FRMD6: variants seen among roughly 807,000 people sequenced by gnomAD.
FRMD6 encodes the protein FERM domain containing 6, also known as FERM domain-containing protein 6.
FRMD6 carries 37 observed loss-of-function variants against 73.2 expected under a neutral mutation model. The observed-to-expected ratio is 0.51, with a 90% CI of 0.39 to 0.66. The LOEUF is 0.66. FRMD6 is among the 30% of genes least tolerant of loss of function. FRMD6 has a pLI of 0.00. For missense variants in FRMD6, 714 were observed against 780.5 expected, an observed-to-expected ratio of 0.91 and a Z score of 1.02; for synonymous variants, 273 against 282.2, an observed-to-expected ratio of 0.97 and a Z score of 0.33.
At chr14:51,679,372 A>G (rs563216035) in intron 1 of FRMD6, among the ~76,000 whole-genome samples, 4 of 150,454 alleles carry the variant, frequency 2.7e-5, no homozygotes, top group Non-Finnish European at 5.9e-5. Flanking sequence ...TATAATATAT[A>G]TTATGCATAT....
At chr14:51,426,596 G>C in the FRMD6 span, among the ~76,000 whole-genome samples, 6 of 152,144 alleles carry the variant, frequency 3.9e-5, no homozygotes, top group Non-Finnish European at 1.5e-5. Flanking sequence ...AATATTTGCT[G>C]AATGAATACA....
intron 1 of FRMD6, among the ~76,000 whole-genome samples, chr14:51,658,984 A>G (rs1000976133): frequency 3.3e-5 from 5 of 152,212 alleles, no homozygotes; most frequent in African/African-American, 1.2e-4. Flanking sequence ...GTTAACAAGT[A>G]AAAAATATGC....
At chr14:51,669,080 C>T (rs1016926815) in intron 1 of FRMD6, among the ~76,000 whole-genome samples, 9 of 152,156 alleles carry the variant, frequency 5.9e-5, no homozygotes, top group Admixed American at 3.9e-4. Context: ...ACCAGCACTG[C>T]GGTCAAGATA....
At chr14:51,633,638 A>T (rs1251271220) in intron 2 of FRMD6, among the ~76,000 whole-genome samples, 2 of 149,512 alleles carry the variant, frequency 1.3e-5, no homozygotes. Context: ...ATTATATGTC[A>T]TAGTTTAAGG....
At chr14:51,568,057 T>A (rs968732732) in intron 1 of FRMD6, among the ~76,000 whole-genome samples, 1 of 152,260 alleles carries the variant, frequency 6.6e-6, no homozygotes, top group African/African-American at 2.4e-5. Context: ...CTTGACGAGC[T>A]GAGAAGCACT....
chr14:51,671,276 C>T (rs1405010204), intron 1 of FRMD6, among the ~76,000 whole-genome samples: 1 of 147,976 alleles, frequency 6.8e-6, no homozygotes, highest in South Asian at 2.1e-4. Flanking sequence ...AAATATTCCC[C>T]TTTTTTGGTT....
At chr14:51,599,606 T>C (rs1889919262) in intron 2 of FRMD6, among the ~76,000 whole-genome samples, 1 of 152,138 alleles carries the variant, frequency 6.6e-6, no homozygotes, top group Non-Finnish European at 1.5e-5. Flanking sequence ...AGCAAAGGTC[T>C]AATATCTAGA....
At chr14:51,486,027 C>CTT (rs36049787), upstream of FRMD6, among the ~76,000 whole-genome samples, 23,671 of 137,836 alleles carry the variant, frequency 0.17, 2,082 homozygotes, top group Non-Finnish European at 0.2. Flanking sequence ...ACTTCCTTTT[C>CTT]TTTTTTTTTT....
At chr14:51,669,881 C>T (rs1893874464) in intron 1 of FRMD6, among the ~76,000 whole-genome samples, 2 of 149,378 alleles carry the variant, frequency 1.3e-5, no homozygotes, top group Non-Finnish European at 2.9e-5. Context: ...TTTTAATGCC[C>T]TAAGAAAACC....
At chr14:51,603,337 A>G (rs1382406276) in intron 2 of FRMD6, among the ~76,000 whole-genome samples, 1 of 152,238 alleles carries the variant, frequency 6.6e-6, no homozygotes, top group Non-Finnish European at 1.5e-5. Context: ...TTAACTCTTT[A>G]TACAACATGA....
chr14:51,580,820 A>G (rs17092930), intron 2 of FRMD6, among the ~76,000 whole-genome samples: 9,114 of 152,286 alleles, frequency 0.06, 370 homozygotes, highest in East Asian at 0.092. Flanking sequence ...CATTACAAAT[A>G]TAGGGAGAAT....
the FRMD6 span, among the ~76,000 whole-genome samples, chr14:51,467,429 G>A: frequency 0.8 from 121,258 of 152,248 alleles, 48,415 homozygotes; most frequent in South Asian, 0.88. Context: ...CTCCCTTTCT[G>A]TTTGACAAAA....
intron 10 of FRMD6, among the ~76,000 whole-genome samples, chr14:51,717,985 G>A (rs374438419): frequency 3.3e-5 from 5 of 152,172 alleles, no homozygotes; most frequent in African/African-American, 1.2e-4. Flanking sequence ...CCAAAGTAGC[G>A]TATGAAAAAC....
At chr14:51,552,510 G>A (rs1265722047) in intron 1 of FRMD6, among the ~76,000 whole-genome samples, 8 of 152,214 alleles carry the variant, frequency 5.3e-5, no homozygotes, top group African/African-American at 1.9e-4. Flanking sequence ...GGAACCCACT[G>A]CAGTCACTCT....
At chr14:51,628,495 C>T (rs1402312764) in intron 2 of FRMD6, among the ~76,000 whole-genome samples, 2 of 152,008 alleles carry the variant, frequency 1.3e-5, no homozygotes, top group South Asian at 2.1e-4. Context: ...AATGTACTTT[C>T]TGTCTCTATA....
intron 11 of FRMD6, among the ~76,000 whole-genome samples, chr14:51,721,312 G>A (rs1001328233): frequency 5.3e-5 from 8 of 152,158 alleles, no homozygotes; most frequent in Non-Finnish European, 7.4e-5. Flanking sequence ...GCAGCAATCC[G>A]ATAAGAAAGA....
chr14:51,490,641 A>C (rs939140804), intron 1 of FRMD6, among the ~76,000 whole-genome samples: 1 of 55,268 alleles, frequency 1.8e-5, no homozygotes, highest in African/African-American at 7.1e-5. Context: ...TGTGTATAAA[A>C]TGCGAAATTT....
At chr14:51,431,680 G>A in the FRMD6 span, among the ~76,000 whole-genome samples, 1 of 152,258 alleles carries the variant, frequency 6.6e-6, no homozygotes. Flanking sequence ...CCTGAAGTTG[G>A]TGATAGACTC....
the FRMD6 span, among the ~76,000 whole-genome samples, chr14:51,457,279 A>G: frequency 6.6e-6 from 1 of 152,236 alleles, no homozygotes; most frequent in Admixed American, 6.5e-5. Context: ...AGTTAAAAAC[A>G]AAATTAAAAA....
Sources: gnomAD v4.1 joint callset for allele counts (sites outside exome capture counted in the v4.1 genomes callset) on GRCh38, gnomAD v4.1.1 for gene constraint, MANE v1.5 for transcripts, NCBI Gene and HGNC (gene_info 2026-07-23, HGNC 2026-07-21) for gene names.